The following ST3GAL3 variants were observed in gnomAD, a reference collection of about 807,000 sequenced individuals.
The protein encoded by ST3GAL3 is CMP-N-acetylneuraminate-beta-1,4-galactoside alpha-2,3-sialyltransferase.
In ST3GAL3, 21 loss-of-function variants were observed where a neutral mutation model predicts 50.1. The ratio of observed to expected loss-of-function variants is 0.42; its 90% CI spans 0.30 to 0.60. The LOEUF (loss-of-function observed/expected upper bound fraction) is 0.60, where lower values mean the gene tolerates loss of function less well. ST3GAL3 is among the 20% of genes least tolerant of loss of function. ST3GAL3 has a pLI of 0.19. For synonymous variants in ST3GAL3, 183 were observed against 190.0 expected (o/e 0.96, Z 0.30); for missense variants, 353 against 489.4 (o/e 0.72, Z 2.63).
intron 1 of ST3GAL3, among the ~76,000 whole-genome samples, chr1:43,724,381 CA>C (rs1261415738): frequency 6.8e-6 from 1 of 146,050 alleles, no homozygotes; most frequent in African/African-American, 2.6e-5. Flanking sequence ...TGGCTATTTT[CA>C]TTTTTTTTTT....
At chr1:43,847,978 T>C (rs2066537256) in intron 5 of ST3GAL3, among the ~76,000 whole-genome samples, 1 of 152,210 alleles carries the variant, frequency 6.6e-6, no homozygotes, top group Non-Finnish European at 1.5e-5. Context: ...GTCCGATGAC[T>C]GCGAAGTCTT....
At chr1:43,708,752 CGT>C (rs1662913234) in intron 1 of ST3GAL3, among the ~76,000 whole-genome samples, 1 of 152,158 alleles carries the variant, frequency 6.6e-6, no homozygotes, top group African/African-American at 2.4e-5. Flanking sequence ...CTCCATTTCG[CGT>C]GTCTAACTGT....
intron 1 of ST3GAL3, among the ~76,000 whole-genome samples, chr1:43,724,134 T>C (rs979963273): frequency 3.9e-5 from 6 of 152,310 alleles, no homozygotes; most frequent in South Asian, 2.1e-4. Flanking sequence ...ACCTTTAGAA[T>C]GTATTACTTT....
intron 1 of ST3GAL3, among the ~76,000 whole-genome samples, chr1:43,729,358 G>A (rs1288639814): frequency 1.3e-5 from 2 of 152,138 alleles, no homozygotes; most frequent in Non-Finnish European, 2.9e-5. Context: ...GGGATTACAG[G>A]TGTGAGCCAC....
chr1:43,837,199 G>C (rs150324394), intron 4 of ST3GAL3, among the ~76,000 whole-genome samples: 109 of 152,272 alleles, frequency 7.2e-4, no homozygotes, highest in African/African-American at 2.6e-3. Flanking sequence ...GTGAGGGGAA[G>C]GGGGAGTGAC....
intron 6 of ST3GAL3, among the ~76,000 whole-genome samples, 179 bp from the exon 7 acceptor site, chr1:43,898,056 C>T (rs868704074): frequency 6.6e-6 from 1 of 152,212 alleles, no homozygotes; most frequent in African/African-American, 2.4e-5. Context: ...CTGCCATCAC[C>T]TCCTTTCTCA....
chr1:43,829,289 G>A (rs2154190390), intron 4 of ST3GAL3, among the ~76,000 whole-genome samples: 1 of 152,126 alleles, frequency 6.6e-6, no homozygotes, highest in East Asian at 1.9e-4. Flanking sequence ...CTATCATATA[G>A]GGCTGTTTAA....
At chr1:43,735,238 A>G (rs912797854) in intron 1 of ST3GAL3, among the ~76,000 whole-genome samples, 1 of 152,198 alleles carries the variant, frequency 6.6e-6, no homozygotes, top group Non-Finnish European at 1.5e-5. Flanking sequence ...CCTGGAACCT[A>G]TGAATTTGTT....
chr1:43,734,312 T>C (rs1486064166), intron 1 of ST3GAL3, among the ~76,000 whole-genome samples: 1 of 139,846 alleles, frequency 7.2e-6, no homozygotes, highest in Non-Finnish European at 1.6e-5. Flanking sequence ...TTTTTTGTTT[T>C]TTTTTTTTTT....
At chr1:43,766,321 T>C (rs1469090054) in intron 2 of ST3GAL3, among the ~76,000 whole-genome samples, 5 of 152,182 alleles carry the variant, frequency 3.3e-5, no homozygotes, top group African/African-American at 1.2e-4. Context: ...CTGGGAATTT[T>C]AAAGACTGAA....
At chr1:43,857,574 T>TCCTC (rs2068767691) in intron 5 of ST3GAL3, among the ~76,000 whole-genome samples, 4 of 72,728 alleles carry the variant, frequency 5.5e-5, no homozygotes, top group African/African-American at 1.9e-4. Context: ...CTTCTTTCTT[T>TCCTC]CCTTCCTCCC....
intron 5 of ST3GAL3, among the ~76,000 whole-genome samples, chr1:43,859,939 T>A (rs1458197039): frequency 6.6e-6 from 1 of 152,244 alleles, no homozygotes; most frequent in Non-Finnish European, 1.5e-5. Flanking sequence ...GGCAGGACTC[T>A]GCCAGCTATA....
chr1:43,905,124 TTCC>T (rs1353266498), intron 9 of ST3GAL3, among the ~76,000 whole-genome samples: 7 of 114,908 alleles, frequency 6.1e-5, no homozygotes, highest in Admixed American at 3.6e-4. Context: ...CCTGCCACTC[TTCC>T]TCCTCCTCCT....
intron 1 of ST3GAL3, among the ~76,000 whole-genome samples, chr1:43,734,980 G>C (rs1317280050): frequency 6.6e-6 from 1 of 151,964 alleles, no homozygotes; most frequent in Non-Finnish European, 1.5e-5. Flanking sequence ...TACAGTAGCA[G>C]GGTGGGTGAA....
chr1:43,735,405 G>A (rs1471620158), intron 1 of ST3GAL3, among the ~76,000 whole-genome samples: 1 of 152,226 alleles, frequency 6.6e-6, no homozygotes, highest in East Asian at 1.9e-4. Flanking sequence ...AGATATGGCG[G>A]AGGGGGAATT....
intron 5 of ST3GAL3, among the ~76,000 whole-genome samples, chr1:43,865,020 A>ATTT (rs34451408): frequency 2.8e-5 from 4 of 143,728 alleles, no homozygotes; most frequent in East Asian, 2.0e-4. Context: ...TATGTACAAC[A>ATTT]TTTTTTTTTT....
intron 2 of ST3GAL3, among the ~76,000 whole-genome samples, chr1:43,789,975 A>G (rs2057844855): frequency 6.6e-6 from 1 of 152,122 alleles, no homozygotes; most frequent in Non-Finnish European, 1.5e-5. Flanking sequence ...TTGTGATTCT[A>G]CATTTTGTAA....
chr1:43,867,130 A>G (rs879355118), intron 5 of ST3GAL3, among the ~76,000 whole-genome samples: 6 of 152,224 alleles, frequency 3.9e-5, no homozygotes, highest in Admixed American at 2.0e-4. Flanking sequence ...ACTCCGTCTC[A>G]AAATAAATAA....
chr1:43,836,770 T>TGG (rs1006378586), intron 4 of ST3GAL3, among the ~76,000 whole-genome samples: 4 of 152,216 alleles, frequency 2.6e-5, no homozygotes, highest in Admixed American at 6.5e-5. Context: ...TCACTGACTA[T>TGG]ATCCTGTTCT....
Sources: allele counts gnomAD v4.1 joint callset (sites outside exome capture counted in the v4.1 genomes callset), GRCh38; gene constraint gnomAD v4.1.1; transcripts MANE v1.5; gene names NCBI Gene and HGNC (gene_info 2026-07-23, HGNC 2026-07-21).